CEP152: variants seen among roughly 807,000 people sequenced by gnomAD.
The protein encoded by CEP152 is centrosomal protein 152.
CEP152 carries 132 observed loss-of-function variants against 188.9 expected under a neutral mutation model. The ratio of observed to expected loss-of-function variants is 0.70; its 90% CI spans 0.61 to 0.81. The LOEUF (loss-of-function observed/expected upper bound fraction) is 0.81. Among genes scored for constraint, CEP152 ranks in the 30% least tolerant of loss-of-function variants. The pLI, the probability that CEP152 is intolerant of heterozygous loss-of-function variation, is 0.00. For missense variants in CEP152, 1,914 were observed against 1,969.8 expected, an observed-to-expected ratio of 0.97 and a Z score of 0.54; for synonymous variants, 649 against 666.6, an observed-to-expected ratio of 0.97 and a Z score of 0.41.
intron 13 of CEP152, among the ~76,000 whole-genome samples, chr15:48,769,746 G>A (rs767063602): frequency 2.0e-5 from 3 of 152,008 alleles, no homozygotes; most frequent in Non-Finnish European, 4.4e-5. Context: ...TTCTATTTCT[G>A]TATGTATTCA....
chr15:48,780,324 C>G (rs769534614), intron 12 of CEP152, among the ~76,000 whole-genome samples: 3 of 152,134 alleles, frequency 2.0e-5, no homozygotes, highest in Non-Finnish European at 4.4e-5. Context: ...ACAGTATCAC[C>G]TGATCACTTT....
rs1247543938 is a variant in CEP152 at position 48,768,213 on chromosome 15, C to T, written c.2018+6G>A. Reference sequence around the variant, plus strand: ...GACAGTCGTCAGGCATCTATATAGACCTTACCTATCCACAGCTTCTTGTTT... The same window carrying T: ...GACAGTCGTCAGGCATCTATATAGATCTTACCTATCCACAGCTTCTTGTTT... On this transcript the variant is annotated splice_donor_region_variant and intron_variant, in intron 15 of 26. Transcript: ENST00000380950. 1 of 1,559,632 alleles carries T rather than the reference C, an allele frequency of 6.4e-7. No homozygotes were observed. The highest frequency in any genetic ancestry group is 2.2e-5 in the East Asian group (1 of 44,624).
At position 48,738,100 on chromosome 15, in the gene CEP152, C is replaced by A; in HGVS notation, c.*149G>T. 1.2e-6 allele frequency: 1 copy of A among 858,898 alleles called. No individual in the cohort carries two copies. The highest frequency in any genetic ancestry group is 1.7e-6 in the Non-Finnish European group (1 of 577,170). The allele number at this position is 858,898 out of a possible 1,614,324, so 53.2% of individuals were successfully genotyped here. On this transcript the variant is annotated 3_prime_UTR_variant, in exon 27 of 27. Transcript: ENST00000380950. ...GAATATTAAGGCAACATAAATATCT[C>A]AAGCAATTTTAGAAGAATGCTTTAC...
chr15:48,770,633 A>C (rs1895462952), intron 13 of CEP152, among the ~76,000 whole-genome samples: 1 of 152,226 alleles, frequency 6.6e-6, no homozygotes, highest in Non-Finnish European at 1.5e-5. Flanking sequence ...CTAATGTCTT[A>C]ATGCAAATTG....
chr15:48,761,758 G>T (rs1463071405), intron 18 of CEP152, among the ~76,000 whole-genome samples: 1 of 152,158 alleles, frequency 6.6e-6, no homozygotes, highest in Non-Finnish European at 1.5e-5. Context: ...GAGAATCACT[G>T]TAATAGGTAA....
chr15:48,763,956 AT>A (rs1684173175), intron 17 of CEP152, among the ~76,000 whole-genome samples: 1 of 152,210 alleles, frequency 6.6e-6, no homozygotes, highest in Non-Finnish European at 1.5e-5. Flanking sequence ...TCATGGTTTC[AT>A]TTTGAGGAAT....
intron 13 of CEP152, among the ~76,000 whole-genome samples, chr15:48,771,261 T>C (rs1280967939): frequency 1.4e-5 from 2 of 140,114 alleles, no homozygotes; most frequent in Non-Finnish European, 3.0e-5. Context: ...TGAAATTGGC[T>C]CTGTAAATTC....
chr15:48,776,792 T>C (rs954022412), intron 12 of CEP152, among the ~76,000 whole-genome samples: 3 of 152,100 alleles, frequency 2.0e-5, no homozygotes, highest in African/African-American at 7.2e-5. Flanking sequence ...TACTGAAATA[T>C]AAAAGTGGTT....
rs1215865462 is a variant in CEP152, at chr15:48,756,550, A to G, written c.2698T>C (p.Ser900Pro). Reference protein sequence around the residue: ...QHEVSVNKRISFAVSEAKEKW... With the variant: ...QHEVSVNKRIPFAVSEAKEKW... ...TCTTTAGCTTCAGAAACAGCAAATGATATCTAAAGAACATAACAACATGCA... is the reference window on the plus strand; with the variant it reads ...TCTTTAGCTTCAGAAACAGCAAATGGTATCTAAAGAACATAACAACATGCA... The change falls in exon 20 of 27, where the codon TCA (serine) becomes CCA (proline). Residue 900 changes from serine to proline, a missense_variant. Transcript: ENST00000380950. 3.1e-6 allele frequency: 5 copies of G among 1,604,212 alleles called. No individual in the cohort carries two copies. Among genetic ancestry groups the G allele is most frequent in the South Asian group, 1.1e-5 (1 of 91,048 alleles).
intron 21 of CEP152, among the ~76,000 whole-genome samples, chr15:48,749,167 T>C (rs1956464662): frequency 6.6e-6 from 1 of 152,068 alleles, no homozygotes; most frequent in African/African-American, 2.4e-5. Flanking sequence ...CCAATAATTT[T>C]ATGAATGGTA....
intron 6 of CEP152, among the ~76,000 whole-genome samples, chr15:48,795,676 A>G (rs1897243674): frequency 1.3e-5 from 2 of 152,218 alleles, no homozygotes; most frequent in African/African-American, 4.8e-5. Context: ...CAAATATATA[A>G]GAAAGTAAAG....
chr15:48,778,047 A>C (rs1486617929), intron 12 of CEP152, among the ~76,000 whole-genome samples: 1 of 152,216 alleles, frequency 6.6e-6, no homozygotes, highest in South Asian at 2.1e-4. Context: ...CAAAGGGAAA[A>C]GGCATTCCAC....
Position 48,772,526 on chromosome 15 carries a change from G to C in CEP152, c.1743C>G (p.Leu581=). 1 of 1,612,876 alleles carries C rather than the reference G, an allele frequency of 6.2e-7. No individual in the cohort carries two copies. Among genetic ancestry groups the C allele is most frequent in the Non-Finnish European group, 8.5e-7 (1 of 1,179,736 alleles). ...LKDCHKKIED[L]HQVKKDEKSI... is the part of the protein sequence containing the mutation. The stretch of plus-strand genomic sequence containing the variant: ...TTTTTTCATCCTTCTTCACTTGGTG[G>C]AGATCTTCAATTTTCTTATGACAGT... Residue 581 remains leucine (L), a synonymous_variant, in exon 13 of 27, where the codon CTC becomes CTG. Coordinates refer to ENST00000380950, the MANE Select transcript of CEP152 (RefSeq NM_001194998.2).
intron 24 of CEP152, among the ~76,000 whole-genome samples, chr15:48,742,582 C>G (rs576347383): frequency 1.3e-5 from 2 of 152,126 alleles, no homozygotes; most frequent in Non-Finnish European, 2.9e-5. Flanking sequence ...TGAAAATTTA[C>G]GTTCCATTAT....
intron 4 of CEP152, 36 bp from the exon 5 acceptor site, chr15:48,797,615 A>G (rs746335204): frequency 1.1e-4 from 180 of 1,613,896 alleles, no homozygotes; most frequent in Non-Finnish European, 1.5e-4. Flanking sequence ...AAGCACGAAG[A>G]TCCAGTCCCA....
Position 48,738,329 on chromosome 15 carries a change from G to C in CEP152, c.5053C>G (p.Gln1685Glu). Residue 1685 changes from glutamine to glutamate, a missense_variant, in exon 27 of 27, where the codon CAG (glutamine) becomes GAG (glutamate). Physicochemically the swap from Gln to Glu is conservative, Grantham distance 29. Transcript: ENST00000380950. ...GGAACAATTAATTTTCTTGAAGGCT[G>C]CTGACACACTGAAGATGGTAATGTA... Reference protein sequence around the residue: ...SSTLPSSVCQQPSRKLIVPLS... With the variant: ...SSTLPSSVCQEPSRKLIVPLS... 1 of 1,614,122 alleles carries C rather than the reference G, an allele frequency of 6.2e-7. No individual in the cohort carries two copies. The highest frequency in any genetic ancestry group is 8.5e-7 in the Non-Finnish European group (1 of 1,179,988).
intron 19 of CEP152, among the ~76,000 whole-genome samples, chr15:48,757,968 T>C (rs1485786962): frequency 6.6e-6 from 1 of 152,242 alleles, no homozygotes; most frequent in Non-Finnish European, 1.5e-5. Flanking sequence ...CATTTTCTCA[T>C]GTGAAGTTTT....
Position 48,784,033 on chromosome 15 carries a change from T to C in CEP152, c.1261A>G (p.Asn421Asp), listed in dbSNP as rs764228767. ...TCCTCTAGACTTCTTGTCAACTTAT[T>C]AATGATCTCAGTCTTTTCTAACTTG... ...AIKLEKTEII[N>D]KLTRSLEESQ... Residue 421 changes from asparagine to aspartate, a missense_variant, in exon 10 of 27, where the codon AAT (asparagine) becomes GAT (aspartate). Asn to Asp is a conservative substitution (Grantham distance 23, BLOSUM62 1). Coordinates refer to ENST00000380950, the MANE Select transcript of CEP152 (RefSeq NM_001194998.2). The C allele has an allele frequency of 1.9e-6, 3 of 1,613,764 alleles. No homozygotes were observed. Among genetic ancestry groups the C allele is most frequent in the Admixed American group, 3.3e-5 (2 of 59,956 alleles).
chr15:48,791,428 A>G, intron 7 of CEP152, 52 bp from the exon 8 acceptor site: 1 of 1,482,136 alleles, frequency 6.7e-7, no homozygotes, highest in South Asian at 1.1e-5. Flanking sequence ...AGGGACCCCA[A>G]TGTCACAATC....
Sources: allele counts gnomAD v4.1 joint callset (sites outside exome capture counted in the v4.1 genomes callset), GRCh38; gene constraint gnomAD v4.1.1; transcripts MANE v1.5; gene names NCBI Gene and HGNC (gene_info 2026-07-23, HGNC 2026-07-21).